Variants in PARD3B observed in about 807,000 individuals in gnomAD.
PARD3B encodes partitioning defective 3 homolog B.
In PARD3B, 103 loss-of-function variants were observed where a neutral mutation model predicts 130.2. That is an observed-to-expected ratio of 0.79 (90% CI 0.67 to 0.93). The LOEUF is 0.93. PARD3B is among the 40% of genes least tolerant of loss of function. The probability of loss-of-function intolerance (pLI) is 0.00; values close to 1 mark genes in which losing one functional copy is unlikely to be tolerated. For synonymous variants in PARD3B, 583 were observed against 553.2 expected, an observed-to-expected ratio of 1.05 and a Z score of -0.76; for missense variants, 1,609 against 1,499.2, an observed-to-expected ratio of 1.07 and a Z score of -1.21.
At chr2:205,124,514 A>C (rs1319608175) in intron 9 of PARD3B, 48 bp downstream of exon 9, 1 of 1,412,138 alleles carries the variant, frequency 7.1e-7, no homozygotes, top group South Asian at 1.7e-5. Flanking sequence ...TTGGCATTTA[A>C]ATAATGCCAT....
intron 1 of PARD3B, among the ~76,000 whole-genome samples, chr2:204,639,976 G>C (rs1033857827): frequency 9.2e-5 from 14 of 152,212 alleles, no homozygotes; most frequent in African/African-American, 2.9e-4. Context: ...ACTCGTTGCT[G>C]GGCATGGTGG....
At chr2:205,277,867 T>C (rs2041013492) in intron 16 of PARD3B, among the ~76,000 whole-genome samples, 1 of 152,110 alleles carries the variant, frequency 6.6e-6, no homozygotes, top group South Asian at 2.1e-4. Flanking sequence ...TCAAAAATCC[T>C]GGAAACAGAT....
At chr2:204,954,000 G>A (rs1033154445) in intron 2 of PARD3B, among the ~76,000 whole-genome samples, 1 of 152,184 alleles carries the variant, frequency 6.6e-6, no homozygotes, top group Non-Finnish European at 1.5e-5. Context: ...AGGAGGGAGC[G>A]AGGACCCCAG....
intron 3 of PARD3B, among the ~76,000 whole-genome samples, chr2:204,966,536 CGAAA>C (rs1297167382): frequency 2.0e-5 from 3 of 152,064 alleles, no homozygotes; most frequent in African/African-American, 7.2e-5. Context: ...TAAGGGAAGA[CGAAA>C]GGAGAAAATT....
chr2:204,837,862 A>G (rs2044106391), intron 2 of PARD3B, among the ~76,000 whole-genome samples: 1 of 152,114 alleles, frequency 6.6e-6, no homozygotes. Context: ...CCCATCACAT[A>G]TTTGAAGACC....
chr2:205,321,478 C>G lies in PARD3B; in HGVS notation c.2630+19777C>G, dbSNP rs2042750522. ...TTTCTCTCTCTTCCTCTCTCTCTTTCCCTCTCTCTCTCTCTCCCCCCGCCC... is the reference window on the plus strand; with the variant it reads ...TTTCTCTCTCTTCCTCTCTCTCTTTGCCTCTCTCTCTCTCTCCCCCCGCCC... On this transcript the variant is annotated intron_variant, in intron 18 of 22. Transcript: ENST00000406610. This position sits in a 1 kb window ranked among gnomAD's most constrained non-coding sequence, Gnocchi z 4.2. 6.6e-6 allele frequency among the ~76,000 whole-genome samples: 1 copy of G among 151,932 alleles called. No individual in the cohort carries two copies. Among genetic ancestry groups the G allele is most frequent in the Non-Finnish European group, 1.5e-5 (1 of 67,964 alleles).
At chr2:205,401,545 G>C (rs1416214774) in intron 19 of PARD3B, among the ~76,000 whole-genome samples, 1 of 152,110 alleles carries the variant, frequency 6.6e-6, no homozygotes, top group Admixed American at 6.6e-5. Context: ...AATTTGAGAA[G>C]TGAATGTCCT....
At chr2:204,846,918 G>A (rs774590900) in intron 2 of PARD3B, among the ~76,000 whole-genome samples, 15 of 151,884 alleles carry the variant, frequency 9.9e-5, no homozygotes, top group Non-Finnish European at 1.3e-4. Context: ...TAGATGAAAG[G>A]AGATAATTAG....
chr2:204,966,272 C>A (rs1575437330), intron 3 of PARD3B, among the ~76,000 whole-genome samples: 1 of 152,260 alleles, frequency 6.6e-6, no homozygotes, highest in Non-Finnish European at 1.5e-5. Flanking sequence ...TTTGGAAAAG[C>A]ATCTGTAGTG....
intron 8 of PARD3B, among the ~76,000 whole-genome samples, chr2:205,123,854 C>A (rs1379436076): frequency 6.6e-6 from 1 of 151,938 alleles, no homozygotes; most frequent in Non-Finnish European, 1.5e-5. Flanking sequence ...TGCAGGAGAA[C>A]AGGACAGGAA....
intron 19 of PARD3B, among the ~76,000 whole-genome samples, chr2:205,431,775 A>G (rs562493959): frequency 1.2e-4 from 18 of 152,208 alleles, no homozygotes; most frequent in African/African-American, 4.1e-4. Flanking sequence ...GGCCACATCA[A>G]TTTTTAAAAT....
At chr2:204,555,185 G>A (rs2030833372) in intron 1 of PARD3B, among the ~76,000 whole-genome samples, 2 of 152,180 alleles carry the variant, frequency 1.3e-5, no homozygotes, top group Non-Finnish European at 2.9e-5. Flanking sequence ...TTGGAAGCTT[G>A]TGCCTGGTTT....
Position 205,257,239 on chromosome 2 carries a change from A to G in PARD3B, c.2185+11417A>G, listed in dbSNP as rs918905304. On this transcript the variant is annotated intron_variant, in intron 16 of 22. Coordinates refer to ENST00000406610, the MANE Select transcript of PARD3B (RefSeq NM_001302769.2). Reference sequence around the variant, plus strand: ...TGATAATTAGAAACCGCATACCCCTACGAAACAGCTTACAAATTTCACCCC... The same window carrying G: ...TGATAATTAGAAACCGCATACCCCTGCGAAACAGCTTACAAATTTCACCCC... 1.6e-4 allele frequency among the ~76,000 whole-genome samples: 24 copies of G among 152,140 alleles called. 2 individuals are homozygous for G. Among genetic ancestry groups the G allele is most frequent in the Non-Finnish European group, 2.9e-5 (2 of 68,016 alleles).
rs1160291216 is a variant in PARD3B, at chr2:204,998,388, GTATATATGTATATATGTGTA to G, written c.394+33095_394+33114del. ...TGTGTGTGTGTGTATATATGTGTGT[GTATATATGTATATATGTGTA>G]TATATATGTATATATGTGTATATAT... On this transcript the variant is annotated intron_variant, in intron 3 of 22. Transcript: ENST00000406610. Among the ~76,000 whole-genome samples the G allele has an allele frequency of 4.7e-3, 360 of 76,100 alleles. 25 individuals are homozygous for G. Among genetic ancestry groups the G allele is most frequent in the African/African-American group, 0.019 (336 of 17,878 alleles). The allele number at this position is 76,100 out of a possible 152,430, so 49.9% of individuals were successfully genotyped here.
chr2:205,603,784 G>A (rs1219621886), intron 22 of PARD3B, among the ~76,000 whole-genome samples: 2 of 152,038 alleles, frequency 1.3e-5, no homozygotes, highest in African/African-American at 4.8e-5. Flanking sequence ...GAATACAATG[G>A]GTCTTGACTC....
At position 205,176,150 on chromosome 2, in the gene PARD3B, G is replaced by A. The variant is rs2035457152; in HGVS notation, c.1792-295G>A. Among the ~76,000 whole-genome samples the A allele has an allele frequency of 6.6e-6, 1 of 152,168 alleles. No homozygotes were observed. The highest frequency in any genetic ancestry group is 1.5e-5 in the Non-Finnish European group (1 of 68,026). On this transcript the variant is annotated intron_variant, in intron 12 of 22. Coordinates refer to ENST00000406610, the MANE Select transcript of PARD3B (RefSeq NM_001302769.2). This position sits in a 1 kb window ranked among gnomAD's most constrained non-coding sequence, Gnocchi z 5.3. Reference sequence around the variant, plus strand: ...TGCCACAAGCTGTATTCCCCAGATGGAAGAAAATTTGAAAGAAGCCAGTTA... The same window carrying A: ...TGCCACAAGCTGTATTCCCCAGATGAAAGAAAATTTGAAAGAAGCCAGTTA...
chr2:205,300,566 T>G lies in PARD3B; in HGVS notation c.2222T>G (p.Leu741Trp), dbSNP rs2041958347. 1 of 1,613,728 alleles carries G rather than the reference T, an allele frequency of 6.2e-7. No individual in the cohort carries two copies. Among genetic ancestry groups the G allele is most frequent in the African/African-American group, 1.3e-5 (1 of 74,910 alleles). ...AAAGATTTTGGTCCAACTCTGGGTT[T>G]GAAAAAGTCCAGCTCCTTGGAGAGT... ...PSKDFGPTLG[L>W]KKSSSLESLQ... Residue 741 changes from leucine (L) to tryptophan (W), a missense_variant, in exon 17 of 23, where the codon TTG (leucine) becomes TGG (tryptophan). By Grantham distance (61) the Leu-to-Trp change is moderately conservative (BLOSUM62 -2). Transcript: ENST00000406610. The surrounding 1 kb of genome is among the most constrained non-coding windows in gnomAD (Gnocchi z 4.1).
Position 205,616,533 on chromosome 2 carries a change from G to A in PARD3B, c.*720G>A, listed in dbSNP as rs1228337515. On this transcript the variant is annotated 3_prime_UTR_variant, in exon 23 of 23. Transcript: ENST00000406610. ...TAGTCCCGGGAGGATGTGCACAGCTGGTCAGAGCTTCCAGAAGGAATATCT... is the reference window on the plus strand; with the variant it reads ...TAGTCCCGGGAGGATGTGCACAGCTAGTCAGAGCTTCCAGAAGGAATATCT... 2 of 152,186 alleles carry A rather than the reference G, an allele frequency of 1.3e-5. No individual in the cohort carries two copies. The highest frequency in any genetic ancestry group is 4.8e-5 in the African/African-American group (2 of 41,428). 9.4% of individuals were successfully genotyped at this position (152,186 alleles called of 1,614,324 possible). A position where few individuals can be genotyped will look rare whatever the true frequency, so the allele number is the denominator to read the frequency against.
At chr2:205,259,788 A>G (rs572442781) in intron 16 of PARD3B, among the ~76,000 whole-genome samples, 1 of 152,256 alleles carries the variant, frequency 6.6e-6, no homozygotes, top group South Asian at 2.1e-4. Flanking sequence ...CAAGTCGAGT[A>G]TCTCTTATCT....
Sources: gnomAD v4.1 joint callset for allele counts (sites outside exome capture counted in the v4.1 genomes callset) on GRCh38, gnomAD v4.1.1 for gene constraint, Gnocchi (gnomAD v3.1) non-coding constraint, MANE v1.5 for transcripts, NCBI Gene and HGNC (gene_info 2026-07-23, HGNC 2026-07-21) for gene names.